FOXJ3: variants seen among roughly 807,000 people sequenced by gnomAD.
FOXJ3 encodes forkhead box protein J3.
Under a neutral mutation model 76.1 loss-of-function variants are expected in FOXJ3, and 22 were observed. The observed-to-expected ratio is 0.29, with a 90% CI of 0.21 to 0.41. The LOEUF is 0.41. Among genes scored for constraint, FOXJ3 ranks in the 10% least tolerant of loss-of-function variants. The pLI, the probability that FOXJ3 is intolerant of heterozygous loss-of-function variation, is 1.00. For synonymous variants in FOXJ3, 269 were observed against 261.2 expected (o/e 1.03, Z -0.29); for missense variants, 613 against 762.1 (o/e 0.80, Z 2.30).
rs761869178 is a variant in FOXJ3 at position 42,265,035 on chromosome 1, A to G, written c.444+80T>C. On this transcript the variant is annotated intron_variant, in intron 4 of 12. Transcript: ENST00000361346. ...ACTATTTTGCAGAGGTTCCTATTCA[A>G]TGAACTGGAAAAGTTCTTAATTCAA... 5 of 901,726 alleles carry G rather than the reference A, an allele frequency of 5.5e-6. No individual in the cohort carries two copies. In the Admixed American group the frequency reaches 8.6e-5, roughly 15 times the overall value. 55.9% of individuals were successfully genotyped at this position (901,726 alleles called of 1,614,324 possible).
At chr1:42,210,589 A>G (rs1302615936) in intron 5 of FOXJ3, among the ~76,000 whole-genome samples, 1 of 152,144 alleles carries the variant, frequency 6.6e-6, no homozygotes, top group African/African-American at 2.4e-5. Context: ...GGCTAACCAG[A>G]AGGTCTTGAG....
At chr1:42,194,644 AAC>A (rs1646615822) in intron 8 of FOXJ3, among the ~76,000 whole-genome samples, 2 of 152,224 alleles carry the variant, frequency 1.3e-5, no homozygotes, top group African/African-American at 4.8e-5. Flanking sequence ...AGAATTCTTT[AAC>A]ACAGTGTTCC....
intron 1 of FOXJ3, among the ~76,000 whole-genome samples, chr1:42,311,895 T>G (rs980375225): frequency 2.6e-5 from 4 of 152,204 alleles, no homozygotes; most frequent in Non-Finnish European, 5.9e-5. Context: ...TCAACAAATG[T>G]AAAAGTGTCT....
chr1:42,197,352 A>G (rs973212197), intron 7 of FOXJ3, among the ~76,000 whole-genome samples: 7 of 151,924 alleles, frequency 4.6e-5, no homozygotes, highest in African/African-American at 1.7e-4. Context: ...AAAAAGAGAG[A>G]AAAAAAGGGG....
Position 42,188,858 on chromosome 1 carries a change from A to G in FOXJ3, c.1524T>C (p.Leu508=), listed in dbSNP as rs1646488061. ...WSLDQVQFAD[L]CSSLNQFFTQ... ...TAAAGAACTGATTAAGAGAAGAACA[A>G]AGATCGGCAAACTGAACCTGGTCTA... Residue 508 remains leucine (L), a synonymous_variant, in exon 11 of 13, where the codon CTT becomes CTC. Transcript: ENST00000361346. The G allele has an allele frequency of 1.2e-6, 2 of 1,613,364 alleles. No homozygotes were observed. The highest frequency in any genetic ancestry group is 1.7e-6 in the Non-Finnish European group (2 of 1,179,520).
chr1:42,328,610 C>T (rs532672729), intron 1 of FOXJ3, among the ~76,000 whole-genome samples: 2 of 151,390 alleles, frequency 1.3e-5, no homozygotes, highest in South Asian at 2.1e-4. Context: ...TATTAATAGT[C>T]TCAAGGTCAG....
At chr1:42,292,868 A>G (rs531716849) in intron 2 of FOXJ3, among the ~76,000 whole-genome samples, 103 of 152,330 alleles carry the variant, frequency 6.8e-4, no homozygotes, top group South Asian at 1.0e-3. Flanking sequence ...TGGGAGGCTA[A>G]GGTGGGCAGA....
At chr1:42,314,165 C>T (rs958863169) in intron 1 of FOXJ3, among the ~76,000 whole-genome samples, 15 of 152,174 alleles carry the variant, frequency 9.9e-5, no homozygotes, top group Admixed American at 9.2e-4. Flanking sequence ...ACACTCCTGG[C>T]CTCTTAGCCC....
intron 11 of FOXJ3, 58 bp downstream of exon 11, chr1:42,188,679 A>G (rs2124174644): frequency 8.4e-7 from 1 of 1,195,290 alleles, no homozygotes; most frequent in Non-Finnish European, 1.1e-6. Context: ...TAAGACAGTT[A>G]CTAAATTTCG....
intron 5 of FOXJ3, among the ~76,000 whole-genome samples, chr1:42,225,076 C>T (rs905785184): frequency 1.3e-5 from 2 of 150,826 alleles, no homozygotes; most frequent in African/African-American, 4.9e-5. Flanking sequence ...ATCCAGACTC[C>T]CCTCAAAAAA....
chr1:42,187,364 C>G (rs978348508), intron 11 of FOXJ3, among the ~76,000 whole-genome samples: 1 of 151,960 alleles, frequency 6.6e-6, no homozygotes, highest in Non-Finnish European at 1.5e-5. Context: ...TCAGAAGCAA[C>G]AATTTTGGAT....
intron 2 of FOXJ3, among the ~76,000 whole-genome samples, chr1:42,287,337 C>G (rs969449953): frequency 1.3e-5 from 2 of 151,654 alleles, no homozygotes; most frequent in African/African-American, 4.8e-5. Flanking sequence ...GAGACTCCAT[C>G]TTAAAAAAAA....
chr1:42,306,298 C>CTTTTTTTTTTTTTTTTTTTTT lies in FOXJ3; in HGVS notation c.44+4731_44+4751dup, dbSNP rs9326121. ...CATCCATCACTCTCTGAACTTTTTTCTTTTTTTTTTTTTTTTTTTTTTTGG... is the reference window on the plus strand; with the variant it reads ...CATCCATCACTCTCTGAACTTTTTTCTTTTTTTTTTTTTTTTTTTTTTTTTTTTTTTTTTTTTTTTTTTTGG... On this transcript the variant is annotated intron_variant, in intron 2 of 12. Transcript: ENST00000361346. Among the ~76,000 whole-genome samples, 10 of 81,672 alleles carry CTTTTTTTTTTTTTTTTTTTTT rather than the reference C, an allele frequency of 1.2e-4. 1 individual carries two copies. The highest frequency in any genetic ancestry group is 4.7e-4 in the South Asian group (1 of 2,108). 53.6% of individuals were successfully genotyped at this position (81,672 alleles called of 152,430 possible).
At chr1:42,237,146 G>T (rs1050748953) in intron 4 of FOXJ3, among the ~76,000 whole-genome samples, 1 of 151,792 alleles carries the variant, frequency 6.6e-6, no homozygotes. Context: ...GAGGCCGAGG[G>T]GGGTGGATCA....
chr1:42,276,574 T>A (rs1652281757), intron 3 of FOXJ3, among the ~76,000 whole-genome samples: 3 of 152,170 alleles, frequency 2.0e-5, no homozygotes, highest in South Asian at 4.1e-4. Context: ...GTTATAATGT[T>A]GATGAGGAAA....
At chr1:42,284,988 TTTTG>T (rs1282261039) in intron 2 of FOXJ3, among the ~76,000 whole-genome samples, 6 of 152,244 alleles carry the variant, frequency 3.9e-5, no homozygotes, top group African/African-American at 1.4e-4. Flanking sequence ...TCACTAGATC[TTTTG>T]TTTAATGTGT....
At chr1:42,221,155 T>C (rs982037356) in intron 5 of FOXJ3, among the ~76,000 whole-genome samples, 5 of 152,182 alleles carry the variant, frequency 3.3e-5, no homozygotes, top group Non-Finnish European at 5.9e-5. Context: ...CAAAATCACA[T>C]GTCATGTAGT....
intron 3 of FOXJ3, among the ~76,000 whole-genome samples, chr1:42,273,119 T>C (rs746962314): frequency 3.3e-5 from 5 of 152,216 alleles, no homozygotes; most frequent in Non-Finnish European, 5.9e-5. Context: ...CTACGTCACA[T>C]ACACAATGGA....
At chr1:42,220,092 C>T (rs1261288375) in intron 5 of FOXJ3, among the ~76,000 whole-genome samples, 1 of 152,174 alleles carries the variant, frequency 6.6e-6, no homozygotes, top group Non-Finnish European at 1.5e-5. Flanking sequence ...AAGCATACAA[C>T]AGAAACACAG....
Sources: allele counts gnomAD v4.1 joint callset (sites outside exome capture counted in the v4.1 genomes callset), GRCh38; gene constraint gnomAD v4.1.1; transcripts MANE v1.5; gene names NCBI Gene and HGNC (gene_info 2026-07-23, HGNC 2026-07-21).